The following ERC2 variants were observed in gnomAD, a reference collection of about 807,000 sequenced individuals.
ERC2 encodes the protein ELKS/RAB6-interacting/CAST family member 2, also known as ERC protein 2.
ERC2 carries 42 observed loss-of-function variants against 114.8 expected under a neutral mutation model. The ratio of observed to expected loss-of-function variants is 0.37; its 90% CI spans 0.29 to 0.47. The LOEUF is 0.47. ERC2 is among the 20% of genes least tolerant of loss of function. ERC2 has a pLI of 0.99. For synonymous variants in ERC2, 454 were observed against 425.5 expected (o/e 1.07, Z -0.82); for missense variants, 939 against 1,150.7 (o/e 0.82, Z 2.66).
intron 7 of ERC2, among the ~76,000 whole-genome samples, chr3:56,040,098 T>G (rs191702060): frequency 1.1e-4 from 17 of 152,206 alleles, no homozygotes; most frequent in Admixed American, 5.9e-4. Flanking sequence ...GATTTTTTTT[T>G]AAATAAAACC....
At chr3:56,126,073 C>T (rs1258188053) in intron 6 of ERC2, among the ~76,000 whole-genome samples, 1 of 152,202 alleles carries the variant, frequency 6.6e-6, no homozygotes, top group Non-Finnish European at 1.5e-5. Context: ...TGCACTCTCC[C>T]TCCCCATCCC....
At chr3:56,146,205 T>G (rs1205956460) in intron 5 of ERC2, among the ~76,000 whole-genome samples, 1 of 152,078 alleles carries the variant, frequency 6.6e-6, no homozygotes, top group Non-Finnish European at 1.5e-5. Context: ...GAGAATTGGT[T>G]GAACCTGGGA....
intron 13 of ERC2, among the ~76,000 whole-genome samples, chr3:55,906,902 G>A (rs948783965): frequency 6.6e-6 from 1 of 152,176 alleles, no homozygotes; most frequent in Non-Finnish European, 1.5e-5. Flanking sequence ...AGGGTGATCA[G>A]GCTGAGTATG....
chr3:55,775,124 A>G (rs1211531450), intron 14 of ERC2, among the ~76,000 whole-genome samples: 1 of 152,196 alleles, frequency 6.6e-6, no homozygotes, highest in Non-Finnish European at 1.5e-5. Flanking sequence ...AATCTCCTTA[A>G]TCAGCTTTCC....
intron 14 of ERC2, among the ~76,000 whole-genome samples, chr3:55,846,088 T>C (rs1195195563): frequency 1.3e-5 from 2 of 152,254 alleles, no homozygotes; most frequent in Non-Finnish European, 2.9e-5. Flanking sequence ...GATTATTTCA[T>C]CACCCAAGTG....
intron 13 of ERC2, among the ~76,000 whole-genome samples, chr3:55,930,011 C>T (rs970693953): frequency 2.0e-5 from 3 of 152,208 alleles, no homozygotes; most frequent in Non-Finnish European, 2.9e-5. Flanking sequence ...GGCCAAGGCA[C>T]GTAGATCACT....
At chr3:56,343,192 T>TCTCTCTCACACACA (rs1376220124) in intron 2 of ERC2, among the ~76,000 whole-genome samples, 34 of 126,206 alleles carry the variant, frequency 2.7e-4, no homozygotes, top group African/African-American at 1.0e-3. Flanking sequence ...TCTCTCTCTC[T>TCTCTCTCACACACA]CACACACACA....
chr3:56,049,625 A>C (rs1024088264), intron 7 of ERC2, among the ~76,000 whole-genome samples: 1 of 152,112 alleles, frequency 6.6e-6, no homozygotes, highest in Non-Finnish European at 1.5e-5. Context: ...AAAACATGAA[A>C]AGGCTAGATT....
At chr3:56,467,961 C>A (rs1358912462) in intron 1 of ERC2, among the ~76,000 whole-genome samples, 3 of 152,064 alleles carry the variant, frequency 2.0e-5, no homozygotes, top group Admixed American at 2.0e-4. Flanking sequence ...CGGGAGGTGG[C>A]CCGGGCAGCC....
At chr3:56,153,066 TTCTC>T (rs1181136010) in intron 4 of ERC2, among the ~76,000 whole-genome samples, 1 of 152,156 alleles carries the variant, frequency 6.6e-6, no homozygotes, top group East Asian at 1.9e-4. Flanking sequence ...TTTCTTCCTT[TTCTC>T]TCTCTTTTTT....
At chr3:55,517,568 G>T (rs1409710837) in intron 17 of ERC2, among the ~76,000 whole-genome samples, 1 of 152,030 alleles carries the variant, frequency 6.6e-6, no homozygotes, top group East Asian at 1.9e-4. Flanking sequence ...TAATTGCATG[G>T]CTATTAAAGT....
chr3:56,067,652 C>G (rs1009465605), intron 7 of ERC2, among the ~76,000 whole-genome samples: 1 of 151,896 alleles, frequency 6.6e-6, no homozygotes, highest in African/African-American at 2.4e-5. Context: ...CAGCTTTTGC[C>G]GATTCATGAT....
chr3:56,055,300 G>T (rs531860849), intron 7 of ERC2, among the ~76,000 whole-genome samples: 1 of 152,292 alleles, frequency 6.6e-6, no homozygotes, highest in East Asian at 1.9e-4. Context: ...CAGACTTAGG[G>T]GAGAAAAGAC....
chr3:56,261,935 T>C (rs921034509), intron 3 of ERC2, among the ~76,000 whole-genome samples: 3 of 152,290 alleles, frequency 2.0e-5, no homozygotes, highest in Non-Finnish European at 2.9e-5. Context: ...CATCATTTAG[T>C]TCCGACTTAC....
intron 7 of ERC2, among the ~76,000 whole-genome samples, chr3:56,065,955 GC>G (rs1377505044): frequency 2.6e-5 from 4 of 152,096 alleles, no homozygotes; most frequent in Admixed American, 1.3e-4. Flanking sequence ...TTATTGACAG[GC>G]ATTTGGGTTG....
chr3:56,102,764 T>A (rs2078430469), intron 6 of ERC2, among the ~76,000 whole-genome samples: 1 of 152,196 alleles, frequency 6.6e-6, no homozygotes, highest in Non-Finnish European at 1.5e-5. Flanking sequence ...CAACCCCAAT[T>A]TCTTCTTCTT....
At chr3:56,437,079 G>T (rs1238055657) in intron 1 of ERC2, among the ~76,000 whole-genome samples, 1 of 152,186 alleles carries the variant, frequency 6.6e-6, no homozygotes, top group Admixed American at 6.5e-5. Context: ...GCTAGGTTCA[G>T]TCATGTGACT....
chr3:55,958,676 C>T (rs560070139), intron 12 of ERC2, among the ~76,000 whole-genome samples: 26 of 152,332 alleles, frequency 1.7e-4, no homozygotes, highest in East Asian at 1.4e-3. Context: ...TAGAGAGGGC[C>T]GAGGCAACAG....
At chr3:56,195,001 T>C (rs1160719222) in intron 3 of ERC2, among the ~76,000 whole-genome samples, 1 of 152,226 alleles carries the variant, frequency 6.6e-6, no homozygotes, top group Non-Finnish European at 1.5e-5. Flanking sequence ...AAACCCTGTA[T>C]ATACTATTAT....
Sources: gnomAD v4.1 joint callset for allele counts (sites outside exome capture counted in the v4.1 genomes callset) on GRCh38, gnomAD v4.1.1 for gene constraint, MANE v1.5 for transcripts, NCBI Gene and HGNC (gene_info 2026-07-23, HGNC 2026-07-21) for gene names.